Variants in MPDZ observed in about 807,000 individuals in gnomAD.
The protein encoded by MPDZ is multiple PDZ domain crumbs cell polarity complex component, also known as multiple PDZ domain protein.
A neutral mutation model predicts 239.1 loss-of-function variants in MPDZ; 234 were observed. That is an observed-to-expected ratio of 0.98 (90% CI 0.88 to 1.09). MPDZ has a LOEUF of 1.09. Among genes scored for constraint, MPDZ ranks in the 50% least tolerant of loss-of-function variants. The probability of loss-of-function intolerance (pLI) is 0.00; values close to 1 mark genes in which losing one functional copy is unlikely to be tolerated. For synonymous variants in MPDZ, 1,048 were observed against 881.3 expected (o/e 1.19, Z -3.35); for missense variants, 3,175 against 2,510.0 (o/e 1.26, Z -5.66).
chr9:13,249,013 G>GAAAA (rs1287365448), intron 2 of MPDZ, among the ~76,000 whole-genome samples: 1 of 66,586 alleles, frequency 1.5e-5, no homozygotes, highest in Non-Finnish European at 3.8e-5. Flanking sequence ...AAAAAAATTG[G>GAAAA]AATCATCACC....
intron 8 of MPDZ, 105 bp from the exon 9 acceptor site, chr9:13,217,399 C>T (rs1264752670): frequency 4.2e-6 from 3 of 713,532 alleles, no homozygotes; most frequent in Admixed American, 3.0e-5. Flanking sequence ...AAGCCACAGG[C>T]CTACTTTAAT....
At chr9:13,155,257 GCAATTTGA>G (rs1291664315) in intron 24 of MPDZ, among the ~76,000 whole-genome samples, 1 of 152,012 alleles carries the variant, frequency 6.6e-6, no homozygotes, top group Admixed American at 6.6e-5. Flanking sequence ...ACCTTAAAAA[GCAATTTGA>G]CAACTGAAAG....
intron 1 of MPDZ, among the ~76,000 whole-genome samples, chr9:13,267,979 G>C (rs1972130520): frequency 6.6e-6 from 1 of 152,206 alleles, no homozygotes; most frequent in African/African-American, 2.4e-5. Context: ...TTAAGTCTGA[G>C]TCACTTTCCT....
At chr9:13,180,490 G>A (rs1953143110) in intron 19 of MPDZ, among the ~76,000 whole-genome samples, 1 of 151,944 alleles carries the variant, frequency 6.6e-6, no homozygotes, top group African/African-American at 2.4e-5. Flanking sequence ...AGGAGTAGAA[G>A]GGGAAACTTG....
At position 13,206,005 on chromosome 9, in the gene MPDZ, C is replaced by T. The variant is rs1250100532; in HGVS notation, c.1385G>A (p.Arg462Lys). The T allele has an allele frequency of 2.5e-6, 4 of 1,612,554 alleles. No homozygotes were observed. Among genetic ancestry groups the T allele is most frequent in the Admixed American group, 3.3e-5 (2 of 59,898 alleles). ...GQTVLLTLMR[R>K]GMKQEAELMS... The stretch of plus-strand genomic sequence containing the variant: ...GAGCTCGGCTTCCTGCTTCATTCCT[C>T]TCCTCATTAGTGTCAGGAGCACAGT... Residue 462 changes from arginine to lysine, a missense_variant, in exon 11 of 47, where the codon AGA becomes AAA. Physicochemically the swap from Arg to Lys is conservative, Grantham distance 26. Transcript: ENST00000319217.
chr9:13,183,439 G>A lies in MPDZ; in HGVS notation c.2628C>T (p.Ser876=), dbSNP rs1206314764. 1.9e-6 allele frequency: 3 copies of A among 1,608,108 alleles called. No homozygotes were observed. The East Asian group carries it at 6.7e-5, about 36-fold the overall frequency. The part of the protein sequence containing the change: ...SCGDGLNYGS[S]LPSSPPKDVI... ...GTACCTTAGGAGGAGATGATGGAAG[G>A]GAAGAACCATAGTTCAGGCCATCAC... The change falls in exon 19 of 47, where the codon TCC becomes TCT. Residue 876 remains serine, a synonymous_variant. Transcript: ENST00000319217.
At position 13,159,854 on chromosome 9, in the gene MPDZ, G is replaced by C. The variant is rs532621354; in HGVS notation, c.3360-1744C>G. 3.1e-3 allele frequency among the ~76,000 whole-genome samples: 466 copies of C among 152,192 alleles called. 2 individuals carry two copies. The highest frequency in any genetic ancestry group is 0.011 in the African/African-American group (439 of 41,528). ...TGCTGATTATTGTTTACTCATCTTA[G>C]TGTGTGGTTTCAGGGACTCAAGTGT... On this transcript the variant is annotated intron_variant, in intron 23 of 46. Coordinates refer to ENST00000319217, the MANE Select transcript of MPDZ (RefSeq NM_001378778.1).
At chr9:13,269,986 C>T (rs537872830) in intron 1 of MPDZ, among the ~76,000 whole-genome samples, 6 of 152,176 alleles carry the variant, frequency 3.9e-5, no homozygotes, top group African/African-American at 1.2e-4. Context: ...ACAAGCTACA[C>T]TATTTAGTTA....
In MPDZ at chr9:13,192,222, A is replaced by G; in HGVS notation, c.1877T>C (p.Val626Ala). 1 of 1,609,408 alleles carries G rather than the reference A, an allele frequency of 6.2e-7. No homozygotes were observed. Among genetic ancestry groups the G allele is most frequent in the Non-Finnish European group, 8.5e-7 (1 of 1,177,590 alleles). The change falls in exon 15 of 47, where the codon GTG becomes GCG. Residue 626 changes from valine (V) to alanine (A), a missense_variant. By Grantham distance (64) the Val-to-Ala change is moderately conservative. Coordinates refer to ENST00000319217, the MANE Select transcript of MPDZ (RefSeq NM_001378778.1). ...AGTTCGACGACAGCACACCATTGTC[A>G]CTTCTATAGGCAGTTCTTTTAAGAT... ...VNILKELPIE[V>A]TMVCCRRTVP...
chr9:13,162,707 A>G lies in MPDZ; in HGVS notation c.3343T>C (p.Ser1115Pro), dbSNP rs2133656034. The G allele has an allele frequency of 6.2e-7, 1 of 1,608,514 alleles. No homozygotes were observed. Among genetic ancestry groups the G allele is most frequent in the Non-Finnish European group, 8.5e-7 (1 of 1,176,456 alleles). ...SGRVMALDIF[S>P]SYTGRDIPEL... Reference sequence around the variant, plus strand: ...TTCACTTACCTGCCAGTGTATGAAGAAAAAATATCCAGTGCCATTACTCTT... The same window carrying G: ...TTCACTTACCTGCCAGTGTATGAAGGAAAAATATCCAGTGCCATTACTCTT... The change falls in exon 23 of 47, where the codon TCT (serine) becomes CCT (proline). Residue 1115 changes from serine (S) to proline (P), a missense_variant. Ser to Pro is a moderately conservative substitution (Grantham distance 74). Coordinates refer to ENST00000319217, the MANE Select transcript of MPDZ (RefSeq NM_001378778.1).
chr9:13,136,123 G>T lies in MPDZ; in HGVS notation c.4352C>A (p.Pro1451His), dbSNP rs1228548160. 1 of 1,612,540 alleles carries T rather than the reference G, an allele frequency of 6.2e-7. No individual in the cohort carries two copies. Among genetic ancestry groups the T allele is most frequent in the East Asian group, 2.2e-5 (1 of 44,756 alleles). Residue 1451 changes from proline (P) to histidine (H), a missense_variant, in exon 31 of 47, where the codon CCT (proline) becomes CAT (histidine). Pro to His is a moderately conservative substitution (Grantham distance 77). Transcript: ENST00000319217. Reference sequence around the variant, plus strand: ...ATTTTGAAGATTTTCTGAGTTAGAAGGCAAAGGTTCTACTGCATTTCCAGG... The same window carrying T: ...ATTTTGAAGATTTTCTGAGTTAGAATGCAAAGGTTCTACTGCATTTCCAGG... Reference protein sequence around the residue: ...VCPGNAVEPLPSNSENLQNKE... With the variant: ...VCPGNAVEPLHSNSENLQNKE...
chr9:13,213,033 T>C (rs1031041954), intron 10 of MPDZ, among the ~76,000 whole-genome samples: 2 of 152,072 alleles, frequency 1.3e-5, no homozygotes, highest in Admixed American at 6.6e-5. Flanking sequence ...GTTTGACACT[T>C]TTCCTTATTT....
At chr9:13,254,118 G>T (rs1968814356) in intron 1 of MPDZ, among the ~76,000 whole-genome samples, 1 of 152,110 alleles carries the variant, frequency 6.6e-6, no homozygotes, top group South Asian at 2.1e-4. Flanking sequence ...TCTACATAAA[G>T]TGAAACCAAA....
Position 13,140,328 on chromosome 9 carries a change from C to CAT in MPDZ, c.3841-181_3841-180dup, listed in dbSNP as rs950700285. Among the ~76,000 whole-genome samples the CAT allele has an allele frequency of 2.3e-4, 34 of 145,554 alleles. No homozygotes were observed. The South Asian group carries it at 2.4e-3, about 10-fold the overall frequency. Reference sequence around the variant, plus strand: ...AATATCTAACAAATAATGGAAAGCTCATATATATATATAATACCTAACAAA... The same window carrying CAT: ...AATATCTAACAAATAATGGAAAGCTCATATATATATATATAATACCTAACAAA... On this transcript the variant is annotated intron_variant, in intron 27 of 46. Coordinates refer to ENST00000319217, the MANE Select transcript of MPDZ (RefSeq NM_001378778.1).
At chr9:13,214,530 G>C (rs1425212603) in intron 10 of MPDZ, among the ~76,000 whole-genome samples, 1 of 151,964 alleles carries the variant, frequency 6.6e-6, no homozygotes, top group Non-Finnish European at 1.5e-5. Context: ...TACACTAAAA[G>C]CTACTGTACT....
rs371307910 is a variant in MPDZ at position 13,126,701 on chromosome 9, T to C, written c.4536A>G (p.Thr1512=). The C allele has an allele frequency of 6.2e-7, 1 of 1,613,844 alleles. No homozygotes were observed. Among genetic ancestry groups the C allele is most frequent in the Non-Finnish European group, 8.5e-7 (1 of 1,179,784 alleles). The change falls in exon 33 of 47, where the codon ACA becomes ACG. Residue 1512 remains threonine (T), a synonymous_variant. Transcript: ENST00000319217. Reference sequence around the variant, plus strand: ...TCACCGTGGCTGCTACCCCATGCTCTGTTAAGCTCTTTATGATGACTCCAC... The same window carrying C: ...TCACCGTGGCTGCTACCCCATGCTCCGTTAAGCTCTTTATGATGACTCCAC... ...TLSGVIIKSL[T]EHGVAATDGR...
chr9:13,124,002 CAG>C (rs1944756356), intron 35 of MPDZ, among the ~76,000 whole-genome samples: 1 of 152,160 alleles, frequency 6.6e-6, no homozygotes, highest in Non-Finnish European at 1.5e-5. Context: ...ATTATTTTAT[CAG>C]AGTCTTCATA....
rs778600333 is a variant in MPDZ at position 13,137,982 on chromosome 9, A to C, written c.4175T>G (p.Leu1392Trp). 6.2e-7 allele frequency: 1 copy of C among 1,613,850 alleles called. No individual in the cohort carries two copies. Among genetic ancestry groups the C allele is most frequent in the Admixed American group, 1.7e-5 (1 of 60,022 alleles). ...PNGAAGKDGR[L>W]QIADELLEIN... Reference sequence around the variant, plus strand: ...CTCTAGAAGCTCATCTGCAATTTGCAATCGACCATCTTTTCCTGCAGCTCC... The same window carrying C: ...CTCTAGAAGCTCATCTGCAATTTGCCATCGACCATCTTTTCCTGCAGCTCC... Residue 1392 changes from leucine to tryptophan, a missense_variant, in exon 29 of 47, where the codon TTG (leucine) becomes TGG (tryptophan). Leu to Trp is a moderately conservative substitution (Grantham distance 61). Coordinates refer to ENST00000319217, the MANE Select transcript of MPDZ (RefSeq NM_001378778.1).
intron 2 of MPDZ, 150 bp from the exon 3 acceptor site, chr9:13,247,951 AC>A: frequency 1.3e-6 from 1 of 744,420 alleles, no homozygotes; most frequent in Non-Finnish European, 2.1e-6. Context: ...AGTAGGCCGG[AC>A]CCAGTGGCTC....
Sources: allele counts gnomAD v4.1 joint callset (sites outside exome capture counted in the v4.1 genomes callset), GRCh38; gene constraint gnomAD v4.1.1; transcripts MANE v1.5; gene names NCBI Gene and HGNC (gene_info 2026-07-23, HGNC 2026-07-21).